TRAPPC8: variants seen among roughly 807,000 people sequenced by gnomAD.
TRAPPC8 encodes general sporulation gene 1 homolog.
TRAPPC8 carries 54 observed loss-of-function variants against 174.3 expected under a neutral mutation model. That is an observed-to-expected ratio of 0.31 (90% CI 0.25 to 0.39). The LOEUF is 0.39. Ranked by LOEUF, TRAPPC8 falls within the 10% of genes least tolerant of loss-of-function variation. The pLI, the probability that TRAPPC8 is intolerant of heterozygous loss-of-function variation, is 1.00. For missense variants in TRAPPC8, 1,531 were observed against 1,699.1 expected (o/e 0.90, Z 1.74); for synonymous variants, 630 against 579.9 (o/e 1.09, Z -1.24).
rs2038403563 is a variant in TRAPPC8, at chr18:31,942,713, G to A, written c.52C>T (p.Pro18Ser). The stretch of plus-strand genomic sequence containing the variant: ...TCGCTGCACAGCGCAGCGACACAGG[G>A]GACGAAGGAGTCCGGGATTAGCTCC... Reference protein sequence around the residue: ...VQELIPDSFVPCVAALCSDEA... With the variant: ...VQELIPDSFVSCVAALCSDEA... The change falls in exon 1 of 29, where the codon CCC becomes TCC. Residue 18 changes from proline to serine, a missense_variant. By Grantham distance (74) the Pro-to-Ser change is moderately conservative. Transcript: ENST00000283351. The A allele has an allele frequency of 1.9e-6, 3 of 1,606,962 alleles. No individual in the cohort carries two copies. Among genetic ancestry groups the A allele is most frequent in the Non-Finnish European group, 2.5e-6 (3 of 1,176,990 alleles).
In TRAPPC8 at chr18:31,852,014, TCAA is replaced by T. The variant is rs544155258; in HGVS notation, c.3561+429_3561+431del. Among the ~76,000 whole-genome samples, 45 of 152,216 alleles carry T rather than the reference TCAA, an allele frequency of 3.0e-4. No individual in the cohort carries two copies. The East Asian group carries it at 8.5e-3, about 29-fold the overall frequency. ...GGGGACTGAAGGCAGGTTGCAAAAC[TCAA>T]TAAAGTTCAGATGTTTATTATCCTC... On this transcript the variant is annotated intron_variant, in intron 24 of 28. Coordinates refer to ENST00000283351, the MANE Select transcript of TRAPPC8 (RefSeq NM_014939.5).
intron 1 of TRAPPC8, among the ~76,000 whole-genome samples, chr18:31,933,958 C>T (rs975342734): frequency 6.6e-6 from 1 of 151,932 alleles, no homozygotes; most frequent in East Asian, 1.9e-4. Context: ...GAGGCTGAAG[C>T]GGGCGGAACA....
At chr18:31,876,849 G>C (rs1053833140) in intron 12 of TRAPPC8, among the ~76,000 whole-genome samples, 1 of 152,174 alleles carries the variant, frequency 6.6e-6, no homozygotes, top group African/African-American at 2.4e-5. Flanking sequence ...CCAGGGACAA[G>C]GATGTGGGTG....
Position 31,867,458 on chromosome 18 carries a change from T to C in TRAPPC8, c.2407A>G (p.Met803Val). Residue 803 changes from methionine (M) to valine (V), a missense_variant, in exon 17 of 29, where the codon ATG becomes GTG. Physicochemically the swap from Met to Val is conservative, Grantham distance 21 (BLOSUM62 1). Transcript: ENST00000283351. ...VKQLVTSEPE[M>V]IGAEVISEFL... ...TCTGAAATAACTTCAGCTCCAATCA[T>C]TTCAGGTTCACTTGTAACCTAAAAA... is the stretch of plus-strand genomic sequence containing the variant. The C allele has an allele frequency of 6.2e-7, 1 of 1,606,660 alleles. No individual in the cohort carries two copies. The highest frequency in any genetic ancestry group is 8.5e-7 in the Non-Finnish European group (1 of 1,175,078).
intron 1 of TRAPPC8, among the ~76,000 whole-genome samples, chr18:31,936,368 G>A (rs2038098166): frequency 6.6e-6 from 1 of 152,046 alleles, no homozygotes; most frequent in South Asian, 2.1e-4. Context: ...GGAGGCCAAT[G>A]TGGAATGATC....
chr18:31,894,370 A>G (rs1314391655), intron 11 of TRAPPC8, among the ~76,000 whole-genome samples: 1 of 152,216 alleles, frequency 6.6e-6, no homozygotes, highest in Non-Finnish European at 1.5e-5. Context: ...GGTTTTATCC[A>G]GAAAGCAAAG....
intron 16 of TRAPPC8, among the ~76,000 whole-genome samples, chr18:31,868,914 G>A (rs1206158603): frequency 6.6e-6 from 1 of 151,626 alleles, no homozygotes; most frequent in African/African-American, 2.4e-5. Flanking sequence ...TGTTGCCTAG[G>A]CTAGAGCAAG....
chr18:31,903,424 T>C (rs1195348305), intron 9 of TRAPPC8, among the ~76,000 whole-genome samples: 7 of 152,210 alleles, frequency 4.6e-5, no homozygotes, highest in Non-Finnish European at 1.0e-4. Flanking sequence ...ACACTTTGGG[T>C]TATGGTGTAT....
At chr18:31,834,767 C>T (rs1326419485) in intron 27 of TRAPPC8, among the ~76,000 whole-genome samples, 6 of 152,086 alleles carry the variant, frequency 3.9e-5, no homozygotes, top group Non-Finnish European at 8.8e-5. Context: ...TATCTCCTGT[C>T]ACCTATTCTT....
intron 19 of TRAPPC8, 36 bp downstream of exon 19, chr18:31,864,591 T>TAAA: frequency 6.3e-7 from 1 of 1,595,970 alleles, no homozygotes; most frequent in Non-Finnish European, 8.5e-7. Flanking sequence ...CTCATATAGA[T>TAAA]AAATTAAGTC....
Position 31,849,659 on chromosome 18 carries a change from C to A in TRAPPC8, c.3642G>T (p.Leu1214Phe). The change falls in exon 25 of 29, where the codon TTG (leucine) becomes TTT (phenylalanine). Residue 1214 changes from leucine (L) to phenylalanine (F), a missense_variant. Transcript: ENST00000283351. ...TTGACTGTTTTTCTGTATGCACAGG[C>A]AAGTGAGCTTGTGGTTTTTTCAATT... Reference protein sequence around the residue: ...SSELKKPQAHLPVHTEKQSTE... With the variant: ...SSELKKPQAHFPVHTEKQSTE... 2 of 1,612,952 alleles carry A rather than the reference C, an allele frequency of 1.2e-6. No individual in the cohort carries two copies. Among genetic ancestry groups the A allele is most frequent in the East Asian group, 2.2e-5 (1 of 44,750 alleles).
intron 2 of TRAPPC8, among the ~76,000 whole-genome samples, chr18:31,918,447 C>A (rs1443924079): frequency 2.0e-5 from 3 of 152,076 alleles, no homozygotes; most frequent in Non-Finnish European, 2.9e-5. Flanking sequence ...ATTTTGACCC[C>A]CAGGAAACAT....
intron 1 of TRAPPC8, among the ~76,000 whole-genome samples, chr18:31,933,540 C>G (rs1031258806): frequency 9.9e-5 from 15 of 152,204 alleles, no homozygotes; most frequent in Admixed American, 5.2e-4. Context: ...GCACCATGCT[C>G]AACAATACAT....
In TRAPPC8 at chr18:31,903,121, C is replaced by CGTGCATGT. The variant is rs1555674907; in HGVS notation, c.1390-2097_1390-2096insACATGCAC. 6.2e-3 allele frequency among the ~76,000 whole-genome samples: 926 copies of CGTGCATGT among 149,100 alleles called. 12 individuals are homozygous for CGTGCATGT. Among genetic ancestry groups the CGTGCATGT allele is most frequent in the African/African-American group, 0.022 (885 of 40,622 alleles). On this transcript the variant is annotated intron_variant, in intron 9 of 28. Coordinates refer to ENST00000283351, the MANE Select transcript of TRAPPC8 (RefSeq NM_014939.5). Reference sequence around the variant, plus strand: ...TTTTGATTGCGCGCGTGCGTGCGTGCGTGTGTGTGTGTGTGTGTGTGTTTT... The same window carrying CGTGCATGT: ...TTTTGATTGCGCGCGTGCGTGCGTGCGTGCATGTGTGTGTGTGTGTGTGTGTGTGTTTT...
chr18:31,941,643 C>T (rs1286462838), intron 1 of TRAPPC8, among the ~76,000 whole-genome samples: 3 of 151,992 alleles, frequency 2.0e-5, no homozygotes, highest in African/African-American at 4.8e-5. Context: ...ACTATTCTCC[C>T]AAAAAACATG....
In TRAPPC8 at chr18:31,864,023, AAT is replaced by A. The variant is rs201272615; in HGVS notation, c.2745+602_2745+603del. On this transcript the variant is annotated intron_variant, in intron 19 of 28. Transcript: ENST00000283351. ...ATACTTTATTATAATATGTTATTAT[AAT>A]ATGTTCTATAAAATATAAAATATAT... 7.4e-3 allele frequency among the ~76,000 whole-genome samples: 1,097 copies of A among 147,250 alleles called. 15 individuals carry two copies. Among genetic ancestry groups the A allele is most frequent in the African/African-American group, 0.026 (1,039 of 40,180 alleles).
Position 31,914,548 on chromosome 18 carries a change from C to T in TRAPPC8, c.618-1026G>A, listed in dbSNP as rs138853904. Among the ~76,000 whole-genome samples, 12 of 152,276 alleles carry T rather than the reference C, an allele frequency of 7.9e-5. No homozygotes were observed. The South Asian group carries it at 1.7e-3, about 21-fold the overall frequency. ...TAATATAGTAGTACACCTTATCCAA[C>T]GGGCTACAGACATTTCAAAATATCC... On this transcript the variant is annotated intron_variant, in intron 4 of 28. Coordinates refer to ENST00000283351, the MANE Select transcript of TRAPPC8 (RefSeq NM_014939.5).
At chr18:31,913,623 CA>C in intron 4 of TRAPPC8, 101 bp from the exon 5 acceptor site, 2 of 902,124 alleles carry the variant, frequency 2.2e-6, no homozygotes, top group Non-Finnish European at 3.1e-6. Flanking sequence ...AATAATCCCC[CA>C]AAAAGGCATA....
At chr18:31,920,252 A>G (rs563813448) in intron 2 of TRAPPC8, among the ~76,000 whole-genome samples, 1 of 152,308 alleles carries the variant, frequency 6.6e-6, no homozygotes, top group South Asian at 2.1e-4. Flanking sequence ...GGTTTGTTTC[A>G]TGGTGGAGGT....
Sources: allele counts gnomAD v4.1 joint callset (sites outside exome capture counted in the v4.1 genomes callset), GRCh38; gene constraint gnomAD v4.1.1; transcripts MANE v1.5; gene names NCBI Gene and HGNC (gene_info 2026-07-23, HGNC 2026-07-21).